FRMPD4: variants seen among roughly 807,000 people sequenced by gnomAD.
FRMPD4 encodes FERM and PDZ domain containing 4, also known as FERM and PDZ domain-containing protein 4.
Under a neutral mutation model 94.1 loss-of-function variants are expected in FRMPD4, and 22 were observed. That is an observed-to-expected ratio of 0.23 (90% CI 0.17 to 0.33). The LOEUF (loss-of-function observed/expected upper bound fraction) is 0.33, where lower values mean the gene tolerates loss of function less well. Ranked by LOEUF, FRMPD4 falls within the 10% of genes least tolerant of loss-of-function variation. The pLI, the probability that FRMPD4 is intolerant of heterozygous loss-of-function variation, is 1.00. For missense variants in FRMPD4, 1,111 were observed against 1,339.9 expected (o/e 0.83, Z 2.67); for synonymous variants, 631 against 548.6 (o/e 1.15, Z -2.10).
intron 2 of FRMPD4, among the ~76,000 whole-genome samples, chrX:11,870,075 G>A (rs2053747582): frequency 8.9e-6 from 1 of 111,984 alleles, no homozygotes; most frequent in African/African-American, 3.2e-5. Context: ...CTGAGGATAA[G>A]TAGTAAGTTG....
intron 1 of FRMPD4, among the ~76,000 whole-genome samples, chrX:12,255,798 C>G (rs1324462488): frequency 1.8e-5 from 2 of 111,809 alleles, no homozygotes; most frequent in African/African-American, 6.5e-5. Flanking sequence ...TGGGATTCAT[C>G]AAAGTGGCCA....
chrX:12,475,220 T>G (rs866621897), intron 1 of FRMPD4, among the ~76,000 whole-genome samples: 1 of 112,143 alleles, frequency 8.9e-6, no homozygotes, highest in Non-Finnish European at 1.9e-5. Context: ...ACCACATGAT[T>G]ATCTCAATAG....
chrX:12,106,813 T>A (rs2055302925), intron 3 of FRMPD4, among the ~76,000 whole-genome samples: 1 of 110,608 alleles, frequency 9.0e-6, no homozygotes, highest in African/African-American at 3.3e-5. Flanking sequence ...AGTACAGCAG[T>A]CTGAGATTGA....
chrX:11,855,673 G>C lies in FRMPD4; in HGVS notation c.-160-9413G>C, dbSNP rs144574717. ...TCTCCATCTGAGACCACTTCAACCT[G>C]AACTTCATTGTCCACATCACTATCA... On this transcript the variant is annotated intron_variant, in intron 1 of 18. Coordinates refer to the FRMPD4 transcript ENST00000640291. Among the ~76,000 whole-genome samples, 4 of 112,226 alleles carry C rather than the reference G, an allele frequency of 3.6e-5. No individual in the cohort carries two copies. In the East Asian group the frequency reaches 1.1e-3, roughly 31 times the overall value.
chrX:12,596,905 CCAAA>C (rs1206859948), intron 2 of FRMPD4, among the ~76,000 whole-genome samples: 1 of 111,838 alleles, frequency 8.9e-6, no homozygotes, highest in Non-Finnish European at 1.9e-5. Flanking sequence ...TATTATAATA[CCAAA>C]CAGAGCATAT....
chrX:12,500,596 G>T (rs1204067091), intron 2 of FRMPD4, among the ~76,000 whole-genome samples: 18 of 110,533 alleles, frequency 1.6e-4, no homozygotes, highest in African/African-American at 5.3e-4. Context: ...AACATGACTG[G>T]AAAGTGGCCC....
intron 1 of FRMPD4, among the ~76,000 whole-genome samples, chrX:11,840,333 G>A (rs931395015): frequency 5.4e-5 from 6 of 111,140 alleles, no homozygotes; most frequent in African/African-American, 2.0e-4. Context: ...ATATAATATT[G>A]TGGATGAATT....
At chrX:12,435,830 T>C (rs2057060222) in intron 1 of FRMPD4, among the ~76,000 whole-genome samples, 1 of 111,706 alleles carries the variant, frequency 9.0e-6, no homozygotes, top group African/African-American at 3.3e-5. Context: ...GTGGGAGTTT[T>C]TGTAGGAACT....
chrX:12,503,234 G>T (rs183180782), intron 2 of FRMPD4, among the ~76,000 whole-genome samples: 7 of 111,754 alleles, frequency 6.3e-5, no homozygotes, highest in Admixed American at 9.5e-5. Context: ...AGACTGGAGG[G>T]TCAGTTCCGA....
At chrX:12,517,867 A>T (rs1233108579) in intron 2 of FRMPD4, among the ~76,000 whole-genome samples, 1 of 111,590 alleles carries the variant, frequency 9.0e-6, no homozygotes, top group Non-Finnish European at 1.9e-5. Flanking sequence ...GCTCTTTTCC[A>T]GGGAGATTTG....
intron 2 of FRMPD4, among the ~76,000 whole-genome samples, chrX:12,501,845 T>C (rs1182039373): frequency 9.0e-6 from 1 of 111,396 alleles, no homozygotes; most frequent in Admixed American, 9.6e-5. Flanking sequence ...TTTCAGAACA[T>C]GGCCCAGGAG....
intron 1 of FRMPD4, among the ~76,000 whole-genome samples, chrX:12,259,084 C>T (rs189478674): frequency 8.9e-6 from 1 of 111,781 alleles, no homozygotes; most frequent in African/African-American, 3.2e-5. Flanking sequence ...TAACCAAATA[C>T]TAGTGTATTT....
rs776073562 is a variant in FRMPD4, at chrX:12,006,902, G to C, written c.95+128884G>C. Among the ~76,000 whole-genome samples the C allele has an allele frequency of 1.1e-4, 12 of 111,916 alleles. No individual in the cohort carries two copies. The South Asian group carries it at 2.7e-3, about 25-fold the overall frequency. The stretch of plus-strand genomic sequence containing the variant: ...GCTTTGGTGAGATGATGGAGGAGGA[G>C]AGTGAGGGTATATGAGTCCAGGTCA... On this transcript the variant is annotated intron_variant, in intron 3 of 18. Transcript: ENST00000640291.
intron 2 of FRMPD4, among the ~76,000 whole-genome samples, chrX:12,580,545 A>G (rs752565666): frequency 2.7e-5 from 3 of 112,360 alleles, no homozygotes; most frequent in Non-Finnish European, 5.6e-5. Flanking sequence ...ACAACATACT[A>G]TAATAAAATT....
intron 1 of FRMPD4, among the ~76,000 whole-genome samples, chrX:12,480,501 G>A (rs958229876): frequency 9.0e-6 from 1 of 111,388 alleles, no homozygotes; most frequent in Non-Finnish European, 1.9e-5. Flanking sequence ...AAATGTTTAT[G>A]TTTCTTGTAC....
intron 3 of FRMPD4, among the ~76,000 whole-genome samples, chrX:12,039,986 A>G (rs1356052351): frequency 2.2e-5 from 2 of 92,438 alleles, no homozygotes; most frequent in African/African-American, 7.0e-5. Flanking sequence ...AAAAAAAAAG[A>G]AAAAAAAAGA....
rs373119872 is a variant in FRMPD4, at chrX:12,718,126, G to A, written c.3300G>A (p.Gly1100=). ...SQRWYVATEG[G]MAEKSGLEAA... ...GATGGTATGTGGCCACTGAAGGTGGGATGGCTGAAAAAAGTGGATTAGAAG... is the reference window on the plus strand; with the variant it reads ...GATGGTATGTGGCCACTGAAGGTGGAATGGCTGAAAAAAGTGGATTAGAAG... Residue 1100 remains glycine, a synonymous_variant, in exon 16 of 17, where the codon GGG becomes GGA. Coordinates refer to ENST00000675598, the MANE Select transcript of FRMPD4 (RefSeq NM_001368397.1). 11 of 1,211,642 alleles carry A rather than the reference G, an allele frequency of 9.1e-6. No individual in the cohort carries two copies. The highest frequency in any genetic ancestry group is 1.2e-5 in the Non-Finnish European group (11 of 895,294).
At chrX:11,953,910 G>T (rs913418801) in intron 3 of FRMPD4, among the ~76,000 whole-genome samples, 1 of 112,025 alleles carries the variant, frequency 8.9e-6, no homozygotes. Flanking sequence ...AAACAAAGGG[G>T]TTATTCACAA....
intron 3 of FRMPD4, among the ~76,000 whole-genome samples, chrX:12,012,058 G>A (rs1030679752): frequency 1.8e-4 from 20 of 110,008 alleles, no homozygotes; most frequent in Non-Finnish European, 3.2e-4. Context: ...ACACCACCAC[G>A]CCCAGCTAAT....
Sources: allele counts gnomAD v4.1 joint callset (sites outside exome capture counted in the v4.1 genomes callset), GRCh38; gene constraint gnomAD v4.1.1; transcripts MANE v1.5; gene names NCBI Gene and HGNC (gene_info 2026-07-23, HGNC 2026-07-21).